The following PPFIA3 variants were observed in gnomAD, a reference collection of about 807,000 sequenced individuals.
PPFIA3 encodes PPFI scaffold protein A3, also known as liprin-alpha-3.
PPFIA3 carries 26 observed loss-of-function variants against 145.8 expected under a neutral mutation model. That is an observed-to-expected ratio of 0.18 (90% CI 0.13 to 0.25). The LOEUF (loss-of-function observed/expected upper bound fraction) is 0.25. Ranked by LOEUF, PPFIA3 falls within the 10% of genes least tolerant of loss-of-function variation. The pLI is 1.00. For synonymous variants in PPFIA3, 645 were observed against 661.4 expected (o/e 0.98, Z 0.38); for missense variants, 1,008 against 1,587.8 (o/e 0.63, Z 6.21).
intron 15 of PPFIA3, among the ~76,000 whole-genome samples, chr19:49,137,821 T>C (rs2041160093): frequency 6.6e-6 from 1 of 152,002 alleles, no homozygotes; most frequent in African/African-American, 2.4e-5. Context: ...CCTTCCCAGA[T>C]CCTAGATTGG....
At chr19:49,139,581 A>G (rs2041187789) in intron 16 of PPFIA3, 87 bp from the exon 17 acceptor site, 1 of 1,409,290 alleles carries the variant, frequency 7.1e-7, no homozygotes, top group South Asian at 1.5e-5. Context: ...GTCACCCCAC[A>G]CACACCTTAG....
rs745906886 is a variant in PPFIA3 at position 49,133,745 on chromosome 19, C to T, written c.1162-51C>T. On this transcript the variant is annotated intron_variant, in intron 9 of 29. Coordinates refer to ENST00000334186, the MANE Select transcript of PPFIA3 (RefSeq NM_003660.4). The surrounding 1 kb of genome is among the most constrained non-coding windows in gnomAD (Gnocchi z 7.2). ...GCCTTGGAGGAGGTGGGGCTGGGAG[C>T]CTGACTGATCCTGGAAGGGTAAGTC... 52 of 1,573,796 alleles carry T rather than the reference C, an allele frequency of 3.3e-5. No homozygotes were observed. In the East Asian group the frequency reaches 1.1e-3, roughly 32 times the overall value.
intron 1 of PPFIA3, among the ~76,000 whole-genome samples, chr19:49,121,958 T>C (rs2040941506): frequency 1.3e-5 from 2 of 151,922 alleles, no homozygotes; most frequent in South Asian, 4.2e-4. Context: ...TTGTCGCACA[T>C]GTGCTCTTGC....
rs1321668527 is a variant in PPFIA3 at position 49,133,027 on chromosome 19, G to A, written c.906G>A (p.Glu302=). The part of the protein sequence containing the change: ...KEALAQREDM[E]ERITTLEKRY... ...CGCTGGCGCAGCGGGAAGATATGGA[G>A]GAGCGGATTACAACACTGGAGAAGC... is the stretch of plus-strand genomic sequence containing the variant. Residue 302 remains glutamate (E), a synonymous_variant, in exon 8 of 30, where the codon GAG becomes GAA. Transcript: ENST00000334186. This position sits in a 1 kb window ranked among gnomAD's most constrained non-coding sequence, Gnocchi z 7.2. 1.2e-6 allele frequency: 2 copies of A among 1,612,340 alleles called. No homozygotes were observed. The highest frequency in any genetic ancestry group is 8.5e-7 in the Non-Finnish European group (1 of 1,179,866).
Position 49,128,924 on chromosome 19 carries a change from C to G in PPFIA3, c.419C>G (p.Ala140Gly). Reference sequence around the variant, plus strand: ...CGCATGACCGTGGTGAAGCGCCAGGCCCAGTCCCCGGGTGGGGTCTCCTCG... The same window carrying G: ...CGCATGACCGTGGTGAAGCGCCAGGGCCAGTCCCCGGGTGGGGTCTCCTCG... ...SLRMTVVKRQ[A>G]QSPGGVSSEV... Residue 140 changes from alanine (A) to glycine (G), a missense_variant, in exon 4 of 30, where the codon GCC becomes GGC. By Grantham distance (60) the Ala-to-Gly change is moderately conservative (BLOSUM62 0). Coordinates refer to ENST00000334186, the MANE Select transcript of PPFIA3 (RefSeq NM_003660.4). The surrounding 1 kb of genome is among the most constrained non-coding windows in gnomAD (Gnocchi z 4.1). 6.2e-7 allele frequency: 1 copy of G among 1,613,996 alleles called. No individual in the cohort carries two copies. Among genetic ancestry groups the G allele is most frequent in the Non-Finnish European group, 8.5e-7 (1 of 1,179,942 alleles).
At chr19:49,138,541 C>A in intron 16 of PPFIA3, 114 bp downstream of exon 16, 1 of 881,038 alleles carries the variant, frequency 1.1e-6, no homozygotes, top group Non-Finnish European at 1.6e-6. Flanking sequence ...CCAAAGCAAC[C>A]TCAGCTTTCC....
chr19:49,137,791 C>T (rs2041159604), intron 15 of PPFIA3, among the ~76,000 whole-genome samples: 1 of 152,136 alleles, frequency 6.6e-6, no homozygotes, highest in Non-Finnish European at 1.5e-5. Flanking sequence ...CACCACTTTC[C>T]ATACCAAATG....
chr19:49,133,401 C>A lies in PPFIA3; in HGVS notation c.1161+30C>A. On this transcript the variant is annotated intron_variant, in intron 9 of 29. Transcript: ENST00000334186. This position sits in a 1 kb window ranked among gnomAD's most constrained non-coding sequence, Gnocchi z 7.2. ...GGGGAGGACTCGGGTCGGGGCCTTG[C>A]GTGGGGAAGGGGTGGGGCCTAGAGG... 1.4e-6 allele frequency: 2 copies of A among 1,429,628 alleles called. No homozygotes were observed. Among genetic ancestry groups the A allele is most frequent in the Non-Finnish European group, 1.9e-6 (2 of 1,080,792 alleles). 88.6% of individuals were successfully genotyped at this position (1,429,628 alleles called of 1,614,324 possible). A position where few individuals can be genotyped will look rare whatever the true frequency, so the allele number is the denominator to read the frequency against.
intron 1 of PPFIA3, among the ~76,000 whole-genome samples, chr19:49,127,421 GGAAAA>G (rs1254372978): frequency 2.3e-3 from 340 of 146,156 alleles, no homozygotes; most frequent in Non-Finnish European, 3.7e-3. Flanking sequence ...AGTAGGGAAA[GGAAAA>G]GAAAAGAAAA....
intron 21 of PPFIA3, 62 bp from the exon 22 acceptor site, chr19:49,145,881 C>A: frequency 6.7e-7 from 1 of 1,489,298 alleles, no homozygotes; most frequent in Non-Finnish European, 9.4e-7. Context: ...GGAGGACACC[C>A]TCCTTCCTCT....
chr19:49,144,427 T>C (rs1202035266), intron 21 of PPFIA3, among the ~76,000 whole-genome samples: 1 of 152,104 alleles, frequency 6.6e-6, no homozygotes, highest in Non-Finnish European at 1.5e-5. Flanking sequence ...AGCACGTAAG[T>C]TTAGGGCCAA....
At chr19:49,127,596 T>TA (rs200973890) in intron 1 of PPFIA3, among the ~76,000 whole-genome samples, 135 of 148,336 alleles carry the variant, frequency 9.1e-4, no homozygotes, top group Admixed American at 2.8e-3. Context: ...GAGACCCTGT[T>TA]AAAAAAAAAT....
At chr19:49,148,627 G>C in intron 24 of PPFIA3, 39 bp from the exon 25 acceptor site, 2 of 1,515,860 alleles carry the variant, frequency 1.3e-6, no homozygotes, top group Non-Finnish European at 1.8e-6. Flanking sequence ...CTAGGGGACT[G>C]GAAAGCTCAT....
chr19:49,142,845 G>A lies in PPFIA3; in HGVS notation c.2586G>A (p.Arg862=). The A allele has an allele frequency of 1.9e-6, 3 of 1,613,818 alleles. No individual in the cohort carries two copies. ...GMPAWYVAAC[R]ANVKSGAIMA... ...CTGCCTGGTATGTGGCCGCCTGCCG[G>A]GCCAATGTCAAGAGCGGTGCCATCA... is the stretch of plus-strand genomic sequence containing the variant. The change falls in exon 21 of 30, where the codon CGG becomes CGA. Residue 862 remains arginine, a synonymous_variant. Coordinates refer to ENST00000334186, the MANE Select transcript of PPFIA3 (RefSeq NM_003660.4).
chr19:49,135,901 G>A lies in PPFIA3; in HGVS notation c.1643G>A (p.Gly548Glu), dbSNP rs758280007. The change falls in exon 14 of 30, where the codon GGG (glycine) becomes GAG (glutamate). Residue 548 changes from glycine to glutamate, a missense_variant. Physicochemically the swap from Gly to Glu is moderately conservative, Grantham distance 98. Transcript: ENST00000334186. Reference protein sequence around the residue: ...GRAGKRGRWSGVKEEPSKDWE... With the variant: ...GRAGKRGRWSEVKEEPSKDWE... Reference sequence around the variant, plus strand: ...GCAGGCAAGAGGGGCCGCTGGTCAGGGGTCAAGGAGGAGCCCTCCAAGGTC... The same window carrying A: ...GCAGGCAAGAGGGGCCGCTGGTCAGAGGTCAAGGAGGAGCCCTCCAAGGTC... 2.5e-6 allele frequency: 4 copies of A among 1,612,558 alleles called. No homozygotes were observed. The South Asian group carries it at 4.4e-5, about 18-fold the overall frequency.
chr19:49,141,775 T>G (rs983128886), intron 19 of PPFIA3, among the ~76,000 whole-genome samples: 1 of 151,984 alleles, frequency 6.6e-6, no homozygotes, highest in Admixed American at 6.6e-5. Flanking sequence ...AAATTTTTTT[T>G]GTATTTTTTA....
chr19:49,149,353 C>T lies in PPFIA3; in HGVS notation c.3354+28C>T. The T allele has an allele frequency of 6.2e-7, 1 of 1,612,672 alleles. No homozygotes were observed. The highest frequency in any genetic ancestry group is 8.5e-7 in the Non-Finnish European group (1 of 1,178,918). The stretch of plus-strand genomic sequence containing the variant: ...GGGCGCGGCAACAGCTCAGAGGGCT[C>T]TGCTCCCAGCGGCTCCTCGAGAGGC... On this transcript the variant is annotated intron_variant, in intron 27 of 29. Transcript: ENST00000334186. This position sits in a 1 kb window ranked among gnomAD's most constrained non-coding sequence, Gnocchi z 5.7.
chr19:49,140,523 G>A (rs1810892551), intron 18 of PPFIA3, among the ~76,000 whole-genome samples: 1 of 146,486 alleles, frequency 6.8e-6, no homozygotes, highest in Non-Finnish European at 1.5e-5. Flanking sequence ...TAATTTTTTT[G>A]TATTTTTAGT....
At chr19:49,141,571 GGTGT>G in intron 19 of PPFIA3, 58 bp downstream of exon 19, 2 of 1,393,760 alleles carry the variant, frequency 1.4e-6, no homozygotes, top group South Asian at 1.2e-5. Context: ...AGTGTGTGAG[GGTGT>G]GTGTGTGCGT....
Sources: allele counts gnomAD v4.1 joint callset (sites outside exome capture counted in the v4.1 genomes callset), GRCh38; gene constraint gnomAD v4.1.1; non-coding constraint Gnocchi (gnomAD v3.1); transcripts MANE v1.5; gene names NCBI Gene and HGNC (gene_info 2026-07-23, HGNC 2026-07-21).